PCDHA4: variants seen among roughly 807,000 people sequenced by gnomAD.
PCDHA4 encodes the protein protocadherin alpha-4.
PCDHA4 carries 49 observed loss-of-function variants against 61.4 expected under a neutral mutation model. That is an observed-to-expected ratio of 0.80 (90% CI 0.63 to 1.01). PCDHA4 has a LOEUF of 1.01. PCDHA4 is among the 50% of genes least tolerant of loss of function. PCDHA4 has a pLI of 0.00. For missense variants in PCDHA4, 1,254 were observed against 1,235.8 expected, an observed-to-expected ratio of 1.01 and a Z score of -0.22; for synonymous variants, 590 against 550.3, an observed-to-expected ratio of 1.07 and a Z score of -1.01.
chr5:140,830,731 G>C (rs1172672953), intron 1 of PCDHA4: 11 of 211,044 alleles, frequency 5.2e-5, no homozygotes, highest in Admixed American at 5.7e-5. Context: ...AATATTCTTG[G>C]ATATGTCGTT....
intron 1 of PCDHA4, chr5:140,966,877 T>A (rs782616985): frequency 6.3e-7 from 1 of 1,586,572 alleles, no homozygotes; most frequent in Admixed American, 1.8e-5. Context: ...TGCTGCTACC[T>A]GGCCCTGCGG....
chr5:140,912,640 T>C (rs181860319), intron 1 of PCDHA4, among the ~76,000 whole-genome samples: 5 of 152,296 alleles, frequency 3.3e-5, no homozygotes, highest in Non-Finnish European at 7.4e-5. Flanking sequence ...TTCAGTACTA[T>C]GTTGAATAGA....
chr5:140,892,185 C>T (rs569665979), intron 1 of PCDHA4, among the ~76,000 whole-genome samples: 1 of 152,254 alleles, frequency 6.6e-6, no homozygotes, highest in East Asian at 1.9e-4. Flanking sequence ...CCTCATGGGT[C>T]TATTCCTGTG....
chr5:140,857,289 G>A lies in PCDHA4; in HGVS notation c.2385+47717G>A, dbSNP rs782361309. The A allele has an allele frequency of 3.8e-6, 6 of 1,598,692 alleles. No homozygotes were observed. In the South Asian group the frequency reaches 4.4e-5, roughly 12 times the overall value. ...TTGGTGCTGGACAGCGCTCTGGACC[G>A]CGAGAGGGTGTCGGCCTATGAGCTG... On this transcript the variant is annotated intron_variant, in intron 1 of 3. Coordinates refer to ENST00000530339, the MANE Select transcript of PCDHA4 (RefSeq NM_018907.4).
At chr5:140,836,021 C>G in intron 1 of PCDHA4, 3 of 1,613,388 alleles carry the variant, frequency 1.9e-6, no homozygotes, top group Non-Finnish European at 2.5e-6. Flanking sequence ...CGCCTCTGGG[C>G]AGCAACGTGA....
At chr5:140,981,207 T>C (rs1163326728) in intron 2 of PCDHA4, among the ~76,000 whole-genome samples, 1 of 152,230 alleles carries the variant, frequency 6.6e-6, no homozygotes, top group Non-Finnish European at 1.5e-5. Context: ...TTGCCTCATA[T>C]AACCCCTTTA....
chr5:140,859,686 T>C (rs2045967077), intron 1 of PCDHA4: 1 of 154,726 alleles, frequency 6.5e-6, no homozygotes, highest in African/African-American at 2.4e-5. Context: ...AAAATTAAAA[T>C]TATTGTTCAA....
intron 1 of PCDHA4, chr5:140,876,869 A>G: frequency 1.9e-6 from 3 of 1,614,030 alleles, no homozygotes; most frequent in Non-Finnish European, 2.5e-6. Flanking sequence ...TTCGTGAAGG[A>G]GAACAACCCG....
chr5:140,830,552 G>A (rs1771127329), intron 1 of PCDHA4: 2 of 1,081,316 alleles, frequency 1.8e-6, no homozygotes, highest in African/African-American at 3.3e-5. Context: ...CCTCATATTT[G>A]TCTTCTATAT....
At chr5:140,921,060 A>T (rs543644748) in intron 1 of PCDHA4, among the ~76,000 whole-genome samples, 11 of 152,040 alleles carry the variant, frequency 7.2e-5, no homozygotes, top group African/African-American at 2.7e-4. Flanking sequence ...GCTCACTCTA[A>T]CCTTGAACTC....
At chr5:140,966,747 C>T (rs2096048243) in intron 1 of PCDHA4, 3 of 1,426,904 alleles carry the variant, frequency 2.1e-6, no homozygotes, top group Admixed American at 5.5e-5. Flanking sequence ...GCCCGGCTGC[C>T]TCCGCCGCGG....
chr5:140,873,031 G>A (rs782124612), intron 1 of PCDHA4, among the ~76,000 whole-genome samples: 3 of 152,110 alleles, frequency 2.0e-5, no homozygotes, highest in East Asian at 1.9e-4. Context: ...CTTACTACAC[G>A]TAGAGTGGTG....
At chr5:141,002,174 C>T (rs2098063920) in intron 3 of PCDHA4, among the ~76,000 whole-genome samples, 1 of 152,224 alleles carries the variant, frequency 6.6e-6, no homozygotes, top group Non-Finnish European at 1.5e-5. Context: ...AGGCAGGCTC[C>T]AGAGTGCTGT....
At chr5:140,852,307 G>A (rs2042297271) in intron 1 of PCDHA4, 5 of 377,800 alleles carry the variant, frequency 1.3e-5, no homozygotes, top group African/African-American at 2.2e-5. Context: ...AGACGGAGTC[G>A]TTTTCTGCCA....
chr5:140,948,492 A>C (rs915795889), intron 1 of PCDHA4, among the ~76,000 whole-genome samples: 1 of 151,594 alleles, frequency 6.6e-6, no homozygotes, highest in Non-Finnish European at 1.5e-5. Flanking sequence ...AATTTCTTTC[A>C]TAGACTTTCT....
intron 1 of PCDHA4, chr5:140,829,092 G>T (rs2150162526): frequency 6.2e-7 from 1 of 1,611,480 alleles, no homozygotes; most frequent in South Asian, 1.1e-5. Flanking sequence ...GCGGGTCATT[G>T]CACCGTTTTA....
At chr5:140,967,475 C>T (rs555659207) in intron 1 of PCDHA4, 1 of 1,613,342 alleles carries the variant, frequency 6.2e-7, no homozygotes, top group South Asian at 1.1e-5. Context: ...CATCCCAGCC[C>T]GCTCGGGTAC....
At chr5:140,836,001 G>T (rs1405342443) in intron 1 of PCDHA4, 5 of 1,613,350 alleles carry the variant, frequency 3.1e-6, no homozygotes, top group African/African-American at 2.7e-5. Flanking sequence ...CGCGCGCGAT[G>T]CGGGCGTGCC....
intron 1 of PCDHA4, among the ~76,000 whole-genome samples, chr5:140,925,082 AAAGGAAGG>A (rs138596875): frequency 4.1e-5 from 6 of 147,388 alleles, no homozygotes; most frequent in Admixed American, 1.3e-4. Flanking sequence ...GCTCATCTGG[AAAGGAAGG>A]AAGGAAGGAA....
Sources: allele counts gnomAD v4.1 joint callset (sites outside exome capture counted in the v4.1 genomes callset), GRCh38; gene constraint gnomAD v4.1.1; transcripts MANE v1.5; gene names NCBI Gene and HGNC (gene_info 2026-07-23, HGNC 2026-07-21).